PLEC: variants seen among roughly 807,000 people sequenced by gnomAD.
The protein encoded by PLEC is hemidesmosomal protein 1.
A neutral mutation model predicts 392.8 loss-of-function variants in PLEC; 216 were observed. The ratio of observed to expected loss-of-function variants is 0.55; its 90% CI spans 0.49 to 0.62. The LOEUF (loss-of-function observed/expected upper bound fraction) is 0.62, where lower values mean the gene tolerates loss of function less well. Among genes scored for constraint, PLEC ranks in the 20% least tolerant of loss-of-function variants. The pLI is 0.00. For missense variants in PLEC, 6,863 were observed against 6,563.4 expected (o/e 1.05, Z -1.58); for synonymous variants, 3,621 against 2,980.6 (o/e 1.21, Z -7.00).
Position 143,932,010 on chromosome 8 carries a change from G to A in PLEC, c.2105C>T (p.Thr702Met), listed in dbSNP as rs782793434. 1.5e-5 allele frequency: 24 copies of A among 1,604,488 alleles called. No homozygotes were observed. The highest frequency in any genetic ancestry group is 3.4e-5 in the Admixed American group (2 of 59,384). The change falls in exon 18 of 32, where the codon ACG becomes ATG. Residue 702 changes from threonine to methionine, a missense_variant. Thr to Met is a moderately conservative substitution (Grantham distance 81). Transcript: ENST00000345136. ...TVESFQAALQ[T>M]QWSWMLQLCC... is the part of the protein sequence containing the mutation. ...CAGCTGTAGCATCCAGCTCCACTGC[G>A]TCTGCAGGGCCGCCTGGAAGGACTG...
intron 1 of PLEC, among the ~76,000 whole-genome samples, chr8:143,962,309 C>T (rs1344380776): frequency 1.3e-5 from 2 of 152,174 alleles, no homozygotes; most frequent in African/African-American, 2.4e-5. Flanking sequence ...AAGAGGCAGG[C>T]GGCTATTCCT....
intron 6 of PLEC, 93 bp downstream of exon 6, chr8:143,935,755 C>T: frequency 7.2e-7 from 1 of 1,398,410 alleles, no homozygotes; most frequent in Non-Finnish European, 1.0e-6. Flanking sequence ...TTCCTCCTGC[C>T]CTCCTCCCTG....
In PLEC at chr8:143,934,792, C is replaced by G. The variant is rs556290138; in HGVS notation, c.945+18G>C. 107 of 1,611,706 alleles carry G rather than the reference C, an allele frequency of 6.6e-5. 1 individual carries two copies. Among genetic ancestry groups the G allele is most frequent in the South Asian group, 6.4e-4 (58 of 91,070 alleles). On this transcript the variant is annotated intron_variant, in intron 9 of 31. Coordinates refer to ENST00000345136, the MANE Select transcript of PLEC (RefSeq NM_201384.3). ...TCTCAGGGCAGGCCCAGGACCCCGCCCCCCACGGCAGGCCCACCTCAATCT... is the reference window on the plus strand; with the variant it reads ...TCTCAGGGCAGGCCCAGGACCCCGCGCCCCACGGCAGGCCCACCTCAATCT...
At chr8:143,952,777 C>T (rs886700342), upstream of PLEC, among the ~76,000 whole-genome samples, 1 of 152,198 alleles carries the variant, frequency 6.6e-6, no homozygotes, top group African/African-American at 2.4e-5. Flanking sequence ...CGCTGGGCCG[C>T]CACCCAACCA....
intron 17 of PLEC, 31 bp downstream of exon 17, chr8:143,932,099 C>CCG: frequency 6.3e-7 from 1 of 1,588,698 alleles, no homozygotes; most frequent in Non-Finnish European, 8.6e-7. Flanking sequence ...CGGCCCCCCC[C>CCG]GCAGCCCCGC....
chr8:143,924,089 TC>T lies in PLEC; in HGVS notation c.5839del (p.Glu1947SerfsTer68). On this transcript the variant is annotated frameshift_variant, in exon 31 of 32. Coordinates refer to ENST00000345136, the MANE Select transcript of PLEC (RefSeq NM_201384.3). LOFTEE classifies it high-confidence loss of function. The part of the protein sequence containing the change: ...AAAGKAELEL[E>X]LGRIRSNAED... Reference sequence around the variant, plus strand: ...CGCGTTGCTGCGGATGCGTCCCAGCTCCAGCTCCAGCTCCGCCTTGCCAGCG... The same window carrying T: ...CGCGTTGCTGCGGATGCGTCCCAGCTCAGCTCCAGCTCCGCCTTGCCAGCG... 1 of 1,597,924 alleles carries T rather than the reference TC, an allele frequency of 6.3e-7. No individual in the cohort carries two copies. Among genetic ancestry groups the T allele is most frequent in the Non-Finnish European group, 8.5e-7 (1 of 1,179,164 alleles).
rs6988767 is a variant in PLEC at position 143,936,137 on chromosome 8, A to G, written c.436-123T>C. 412,931 of 1,068,546 alleles carry G rather than the reference A, an allele frequency of 0.39. 81,588 individuals are homozygous for G. The highest frequency in any genetic ancestry group is 0.42 in the Middle Eastern group (1,588 of 3,774). 66.2% of individuals were successfully genotyped at this position (1,068,546 alleles called of 1,614,324 possible). A position where few individuals can be genotyped will look rare whatever the true frequency, so the allele number is the denominator to read the frequency against. The stretch of plus-strand genomic sequence containing the variant: ...CAGGGGGAGTGCATGGGGCCACCAA[A>G]CCAGCCAGGGCAGCACCGGGCTCCA... On this transcript the variant is annotated intron_variant, in intron 5 of 31. Coordinates refer to ENST00000345136, the MANE Select transcript of PLEC (RefSeq NM_201384.3).
Position 143,927,681 on chromosome 8 carries a change from C to A in PLEC, c.3485G>T (p.Arg1162Leu). Residue 1162 changes from arginine (R) to leucine (L), a missense_variant, in exon 27 of 32, where the codon CGA (arginine) becomes CTA (leucine). Arg to Leu is a moderately radical substitution (Grantham distance 102). Coordinates refer to ENST00000345136, the MANE Select transcript of PLEC (RefSeq NM_201384.3). ...CCGCTCCCCGTGCCGCTGCTGCAGTCGCTCCCCCACCTCCTGTGCCCCCCG... is the reference window on the plus strand; with the variant it reads ...CCGCTCCCCGTGCCGCTGCTGCAGTAGCTCCCCCACCTCCTGTGCCCCCCG... Reference protein sequence around the residue: ...ELRGAQEVGERLQQRHGERDV... With the variant: ...ELRGAQEVGELLQQRHGERDV... The A allele has an allele frequency of 6.3e-7, 1 of 1,580,428 alleles. No homozygotes were observed. The highest frequency in any genetic ancestry group is 8.6e-7 in the Non-Finnish European group (1 of 1,162,830).
At position 143,916,343 on chromosome 8, in the gene PLEC, G is replaced by C; in HGVS notation, c.13478C>G (p.Ser4493Trp). The C allele has an allele frequency of 6.2e-7, 1 of 1,603,386 alleles. No homozygotes were observed. The highest frequency in any genetic ancestry group is 8.5e-7 in the Non-Finnish European group (1 of 1,175,834). Reference protein sequence around the residue: ...SGSTAGSRTGSRTGSRAGSRR... With the variant: ...SGSTAGSRTGWRTGSRAGSRR... ...GGAGCCGGCCCGGGAGCCGGTGCGC[G>C]AGCCGGTGCGGGAGCCAGCGGTAGA... The change falls in exon 32 of 32, where the codon TCG becomes TGG. Residue 4493 changes from serine to tryptophan, a missense_variant. Physicochemically the swap from Ser to Trp is radical, Grantham distance 177 (BLOSUM62 -3). Transcript: ENST00000345136.
chr8:143,949,707 G>A lies in PLEC; in HGVS notation c.523+477C>T, dbSNP rs1036832269. On this transcript the variant is annotated intron_variant, in intron 1 of 31. Transcript: ENST00000322810. ...CAAGCACTCAGTTACCGGTCACACC[G>A]GGCACTCTGTGCGGCACCAAGCCTC... is the stretch of plus-strand genomic sequence containing the variant. Among the ~76,000 whole-genome samples, 5 of 152,130 alleles carry A rather than the reference G, an allele frequency of 3.3e-5. No individual in the cohort carries two copies. In the East Asian group the frequency reaches 5.8e-4, roughly 18 times the overall value.
chr8:143,953,692 G>GC, upstream of PLEC: 5 of 1,600,716 alleles, frequency 3.1e-6, no homozygotes, highest in Middle Eastern at 1.7e-4. Flanking sequence ...TGTGGTCCGC[G>GC]CCCCCCGGCT....
At position 143,920,110 on chromosome 8, in the gene PLEC, G is replaced by A. The variant is rs778760974; in HGVS notation, c.9711C>T (p.Thr3237=). 3 of 1,613,058 alleles carry A rather than the reference G, an allele frequency of 1.9e-6. No individual in the cohort carries two copies. The highest frequency in any genetic ancestry group is 2.5e-6 in the Non-Finnish European group (3 of 1,180,028). ...AGCCACCCACGGGGACCTCAACCGG[G>A]GTCTTTTCAAAGGTCTCACGGGCCT... ...ELQARETFEK[T]PVEVPVGGFK... The change falls in exon 32 of 32, where the codon ACC becomes ACT. Residue 3237 remains threonine (T), a synonymous_variant. Transcript: ENST00000345136.
chr8:143,966,389 G>A (rs376446935), intron 1 of PLEC, among the ~76,000 whole-genome samples: 2 of 152,192 alleles, frequency 1.3e-5, no homozygotes, highest in African/African-American at 2.4e-5. Flanking sequence ...GTCTGCACAC[G>A]CATACCTATC....
chr8:143,957,005 C>G (rs562813037), upstream of PLEC, among the ~76,000 whole-genome samples: 1 of 152,302 alleles, frequency 6.6e-6, no homozygotes, highest in South Asian at 2.1e-4. Flanking sequence ...GGCACCAAGG[C>G]CTTGCCGTAG....
chr8:143,925,653 G>A lies in PLEC; in HGVS notation c.4276C>T (p.Arg1426Trp), dbSNP rs781987741. ...TGGATCTCCGCCTCCGAGCTCTGCC[G>A]CAGCTGCTGCAGCTCCTCCTGAATG... is the stretch of plus-strand genomic sequence containing the variant. ...RSIQEELQQLRQSSEAEIQAK... is the reference protein window; with the variant it reads ...RSIQEELQQLWQSSEAEIQAK... The change falls in exon 31 of 32, where the codon CGG (arginine) becomes TGG (tryptophan). Residue 1426 changes from arginine (R) to tryptophan (W), a missense_variant. Coordinates refer to ENST00000345136, the MANE Select transcript of PLEC (RefSeq NM_201384.3). The A allele has an allele frequency of 3.2e-6, 5 of 1,584,692 alleles. No individual in the cohort carries two copies. Among genetic ancestry groups the A allele is most frequent in the African/African-American group, 1.3e-5 (1 of 74,520 alleles).
In PLEC at chr8:143,924,028, C is replaced by G. The variant is rs1554695369; in HGVS notation, c.5901G>C (p.Leu1967=). Residue 1967 remains leucine, a synonymous_variant, in exon 31 of 32, where the codon CTG becomes CTC. Coordinates refer to ENST00000345136, the MANE Select transcript of PLEC (RefSeq NM_201384.3). ...DTLRSKEQAE[L]EAARQRQLAA... is the part of the protein sequence containing the mutation. ...CCAGCTGCCGCTGCCTCGCAGCCTC[C>G]AGCTCGGCCTGCTCCTTGCTGCGCA... is the stretch of plus-strand genomic sequence containing the variant. The G allele has an allele frequency of 6.3e-7, 1 of 1,592,382 alleles. No individual in the cohort carries two copies. Among genetic ancestry groups the G allele is most frequent in the Non-Finnish European group, 8.5e-7 (1 of 1,175,812 alleles).
In PLEC at chr8:143,922,789, A is replaced by G. The variant is rs782356856; in HGVS notation, c.7140T>C (p.Ala2380=). Reference sequence around the variant, plus strand: ...CACGCAGCTTGAGGCGCTCAGCCTCAGCGCTCATCTCCAGCTGCCGCTGCC... The same window carrying G: ...CACGCAGCTTGAGGCGCTCAGCCTCGGCGCTCATCTCCAGCTGCCGCTGCC... ...AERQRQLEMS[A]EAERLKLRVA... The change falls in exon 31 of 32, where the codon GCT becomes GCC. Residue 2380 remains alanine (A), a synonymous_variant. Transcript: ENST00000345136. The G allele has an allele frequency of 5.0e-6, 8 of 1,597,674 alleles. No homozygotes were observed. In the South Asian group the frequency reaches 8.9e-5, roughly 18 times the overall value.
intron 1 of PLEC, chr8:143,944,873 C>G: frequency 2.0e-6 from 1 of 491,618 alleles, no homozygotes. Flanking sequence ...GCGCAAGGAC[C>G]GTCACCACCC....
Position 143,930,286 on chromosome 8 carries a change from T to G in PLEC, c.2470A>C (p.Lys824Gln). The G allele has an allele frequency of 1.2e-6, 2 of 1,603,316 alleles. No homozygotes were observed. The highest frequency in any genetic ancestry group is 3.4e-4 in the Middle Eastern group (2 of 5,962). ...DYKQVEVTVHKGDECQLVGPA... is the reference protein window; with the variant it reads ...DYKQVEVTVHQGDECQLVGPA... ...CCCACCAGCTGGCACTCGTCACCCT[T>G]GTGCACAGTCACCTGGGACGGGCAG... The change falls in exon 21 of 32, where the codon AAG becomes CAG. Residue 824 changes from lysine to glutamine, a missense_variant. Physicochemically the swap from Lys to Gln is moderately conservative, Grantham distance 53 (BLOSUM62 1). Transcript: ENST00000345136.
Sources: gnomAD v4.1 joint callset for allele counts (sites outside exome capture counted in the v4.1 genomes callset) on GRCh38, gnomAD v4.1.1 for gene constraint, MANE v1.5 for transcripts, NCBI Gene and HGNC (gene_info 2026-07-23, HGNC 2026-07-21) for gene names.